Variants in COP1 observed in about 807,000 individuals in gnomAD.
COP1 encodes E3 ubiquitin-protein ligase COP1.
In COP1, 24 loss-of-function variants were observed where a neutral mutation model predicts 101.3. That is an observed-to-expected ratio of 0.24 (90% CI 0.17 to 0.33). The LOEUF (loss-of-function observed/expected upper bound fraction) is 0.33, where lower values mean the gene tolerates loss of function less well. Ranked by LOEUF, COP1 falls within the 10% of genes least tolerant of loss-of-function variation. COP1 has a pLI of 1.00. For missense variants in COP1, 663 were observed against 906.2 expected, an observed-to-expected ratio of 0.73 and a Z score of 3.45; for synonymous variants, 347 against 341.9, an observed-to-expected ratio of 1.01 and a Z score of -0.17.
chr1:175,949,966 T>C, intron 18 of COP1, among the ~76,000 whole-genome samples: 1 of 152,134 alleles, frequency 6.6e-6, no homozygotes. Context: ...TATCTTACAG[T>C]ATGAAAAATT....
At chr1:176,004,770 AT>A (rs1169219145) in intron 15 of COP1, among the ~76,000 whole-genome samples, 1 of 149,546 alleles carries the variant, frequency 6.7e-6, no homozygotes, top group African/African-American at 2.4e-5. Flanking sequence ...TTTATTGAGG[AT>A]TTTTGCATCA....
chr1:175,990,975 A>C (rs1257849447), intron 15 of COP1, among the ~76,000 whole-genome samples: 1 of 151,934 alleles, frequency 6.6e-6, no homozygotes, highest in Non-Finnish European at 1.5e-5. Context: ...CTTACATTTA[A>C]TATAATTATT....
intron 14 of COP1, among the ~76,000 whole-genome samples, chr1:176,030,740 C>T (rs951033340): frequency 6.6e-6 from 1 of 152,072 alleles, no homozygotes; most frequent in African/African-American, 2.4e-5. Flanking sequence ...ATAGAGATTA[C>T]AATAATTTCA....
intron 7 of COP1, 91 bp from the exon 8 acceptor site, chr1:176,135,177 A>C: frequency 1.2e-6 from 1 of 834,118 alleles, no homozygotes; most frequent in Non-Finnish European, 1.9e-6. Flanking sequence ...TTCTATTCCC[A>C]GGTTTTCATC....
chr1:176,116,781 T>C, intron 8 of COP1, 100 bp from the exon 9 acceptor site: 1 of 796,482 alleles, frequency 1.3e-6, no homozygotes, highest in South Asian at 1.8e-5. Context: ...CCAGTATTTC[T>C]AATTTCTAAG....
At chr1:176,176,136 G>A (rs1366707067) in intron 2 of COP1, 129 bp from the exon 3 acceptor site, 1 of 561,392 alleles carries the variant, frequency 1.8e-6, no homozygotes, top group Non-Finnish European at 3.1e-6. Context: ...ATTTATTTTT[G>A]CTTATATTTT....
chr1:176,007,559 A>G (rs1320254926), intron 15 of COP1, among the ~76,000 whole-genome samples: 1 of 150,836 alleles, frequency 6.6e-6, no homozygotes, highest in East Asian at 2.0e-4. Context: ...TTTTCCTTCT[A>G]ACAGACAGGA....
intron 9 of COP1, among the ~76,000 whole-genome samples, chr1:176,088,176 C>G (rs1680571980): frequency 6.6e-6 from 1 of 151,708 alleles, no homozygotes; most frequent in Admixed American, 6.6e-5. Flanking sequence ...ACGGGTCCAG[C>G]AAACCAACAC....
chr1:176,197,995 A>G (rs1338951509), intron 1 of COP1, among the ~76,000 whole-genome samples: 1 of 152,162 alleles, frequency 6.6e-6, no homozygotes, highest in African/African-American at 2.4e-5. Context: ...TGCTAAGAGA[A>G]ATTACAGAGG....
At position 176,195,708 on chromosome 1, in the gene COP1, A is replaced by C. The variant is rs964682948; in HGVS notation, c.407+10864T>G. ...AGAAATTAAACAACTGCAGCCATAA[A>C]AAAGAATGAAATCATGTCCTTTGTA... On this transcript the variant is annotated intron_variant, in intron 1 of 19. Coordinates refer to ENST00000367669, the MANE Select transcript of COP1 (RefSeq NM_022457.7). 7.9e-5 allele frequency among the ~76,000 whole-genome samples: 12 copies of C among 152,378 alleles called. No individual in the cohort carries two copies. The South Asian group carries it at 1.9e-3, about 24-fold the overall frequency.
At chr1:176,132,628 CAT>C (rs1362499003) in intron 8 of COP1, among the ~76,000 whole-genome samples, 1 of 64,820 alleles carries the variant, frequency 1.5e-5, no homozygotes, top group Non-Finnish European at 3.0e-5. Flanking sequence ...TATATACACA[CAT>C]ATACACATAT....
intron 14 of COP1, among the ~76,000 whole-genome samples, chr1:176,029,868 T>A (rs556083688): frequency 6.6e-6 from 1 of 152,334 alleles, no homozygotes; most frequent in Admixed American, 6.5e-5. Context: ...TCAAAAAATA[T>A]TGCTAATTTA....
intron 14 of COP1, among the ~76,000 whole-genome samples, chr1:176,038,485 C>G (rs1669949928): frequency 6.6e-6 from 1 of 152,156 alleles, no homozygotes; most frequent in South Asian, 2.1e-4. Context: ...TGATTTCAGA[C>G]TTATTACAAG....
chr1:176,029,792 A>C (rs1157106226), intron 14 of COP1, among the ~76,000 whole-genome samples: 1 of 152,244 alleles, frequency 6.6e-6, no homozygotes, highest in Admixed American at 6.5e-5. Context: ...AATAAATACC[A>C]CTTCTATGAA....
chr1:176,182,047 C>T (rs1697859517), intron 2 of COP1, among the ~76,000 whole-genome samples: 1 of 152,018 alleles, frequency 6.6e-6, no homozygotes, highest in Admixed American at 6.6e-5. Context: ...CCTAGCCTGT[C>T]CATTTATAAG....
intron 15 of COP1, among the ~76,000 whole-genome samples, chr1:176,004,544 G>C (rs1662591156): frequency 6.6e-6 from 1 of 151,956 alleles, no homozygotes; most frequent in Non-Finnish European, 1.5e-5. Context: ...CTAATTTATT[G>C]AGAGTTTTTA....
chr1:176,126,459 TTC>T (rs1409880455), intron 8 of COP1, among the ~76,000 whole-genome samples: 1 of 152,200 alleles, frequency 6.6e-6, no homozygotes, highest in African/African-American at 2.4e-5. Flanking sequence ...CACTTCTTTT[TTC>T]TTTTCTTTTT....
intron 6 of COP1, among the ~76,000 whole-genome samples, chr1:176,145,905 G>T (rs80156138): frequency 6.6e-6 from 1 of 151,992 alleles, no homozygotes; most frequent in Non-Finnish European, 1.5e-5. Context: ...GGGTGGTCAG[G>T]GTGCTTCAGC....
intron 15 of COP1, among the ~76,000 whole-genome samples, chr1:175,996,122 T>C (rs1660099246): frequency 6.6e-6 from 1 of 151,786 alleles, no homozygotes; most frequent in African/African-American, 2.4e-5. Context: ...TAATCCAGCA[T>C]ATAAACAGAA....
Sources: gnomAD v4.1 joint callset for allele counts (sites outside exome capture counted in the v4.1 genomes callset) on GRCh38, gnomAD v4.1.1 for gene constraint, MANE v1.5 for transcripts, NCBI Gene and HGNC (gene_info 2026-07-23, HGNC 2026-07-21) for gene names.